ENOX1: variants seen among roughly 807,000 people sequenced by gnomAD.
ENOX1 encodes candidate growth-related and time keeping constitutive hydroquinone (NADH) oxidase.
A neutral mutation model predicts 82.5 loss-of-function variants in ENOX1; 42 were observed. That is an observed-to-expected ratio of 0.51 (90% CI 0.40 to 0.66). The LOEUF (loss-of-function observed/expected upper bound fraction) is 0.66. ENOX1 is among the 30% of genes least tolerant of loss of function. The probability of loss-of-function intolerance (pLI) is 0.00; values close to 1 mark genes in which losing one functional copy is unlikely to be tolerated. For synonymous variants in ENOX1, 271 were observed against 282.2 expected (o/e 0.96, Z 0.40); for missense variants, 608 against 811.6 (o/e 0.75, Z 3.05).
intron 1 of ENOX1, among the ~76,000 whole-genome samples, chr13:43,778,458 A>G (rs1952055224): frequency 6.6e-6 from 1 of 152,172 alleles, no homozygotes; most frequent in South Asian, 2.1e-4. Context: ...TAGCTAAAAT[A>G]TAGGCTATCA....
At chr13:43,698,444 A>G (rs988936416) in intron 1 of ENOX1, among the ~76,000 whole-genome samples, 9 of 152,370 alleles carry the variant, frequency 5.9e-5, no homozygotes, top group Admixed American at 3.3e-4. Flanking sequence ...GAAACTTTAC[A>G]GAATGCCAAA....
chr13:43,486,982 G>A (rs1391764981), intron 2 of ENOX1, among the ~76,000 whole-genome samples: 1 of 152,164 alleles, frequency 6.6e-6, no homozygotes, highest in East Asian at 1.9e-4. Context: ...AGACCAGCCT[G>A]GCCAACATGA....
intron 1 of ENOX1, among the ~76,000 whole-genome samples, chr13:43,758,159 C>T (rs1288080067): frequency 5.9e-5 from 9 of 151,950 alleles, no homozygotes; most frequent in Admixed American, 5.9e-4. Flanking sequence ...TTGCTTGAAG[C>T]TAGGAGGCAG....
intron 2 of ENOX1, among the ~76,000 whole-genome samples, chr13:43,527,959 T>G (rs945281645): frequency 6.6e-6 from 1 of 152,102 alleles, no homozygotes; most frequent in Non-Finnish European, 1.5e-5. Flanking sequence ...GTAGATAGAC[T>G]TCCATTATAA....
intron 8 of ENOX1, among the ~76,000 whole-genome samples, chr13:43,352,165 G>C (rs1310607053): frequency 6.6e-6 from 1 of 152,176 alleles, no homozygotes; most frequent in Non-Finnish European, 1.5e-5. Context: ...TAAGAGTCCA[G>C]TTCTCTGGAA....
At chr13:43,588,425 A>G (rs17064752) in intron 2 of ENOX1, among the ~76,000 whole-genome samples, 11,980 of 152,238 alleles carry the variant, frequency 0.079, 512 homozygotes, top group Admixed American at 0.1. Flanking sequence ...ACAACAATCT[A>G]CTTTTTCCCT....
intron 1 of ENOX1, among the ~76,000 whole-genome samples, chr13:43,784,528 A>C (rs1050311077): frequency 3.3e-5 from 5 of 152,384 alleles, no homozygotes; most frequent in Non-Finnish European, 5.9e-5. Flanking sequence ...TTGATTTACT[A>C]TCATATGCTA....
intron 2 of ENOX1, among the ~76,000 whole-genome samples, chr13:43,510,102 C>T (rs1028452184): frequency 6.6e-6 from 1 of 151,926 alleles, no homozygotes; most frequent in Non-Finnish European, 1.5e-5. Flanking sequence ...AATTTTGTAA[C>T]AGAACAGCAA....
At chr13:43,274,830 G>A (rs946757571) in intron 12 of ENOX1, among the ~76,000 whole-genome samples, 3 of 152,184 alleles carry the variant, frequency 2.0e-5, no homozygotes, top group Non-Finnish European at 4.4e-5. Flanking sequence ...CTGATTTAAT[G>A]GGATCATTTG....
intron 3 of ENOX1, among the ~76,000 whole-genome samples, chr13:43,445,616 C>T (rs2056612207): frequency 6.6e-6 from 1 of 152,064 alleles, no homozygotes; most frequent in Non-Finnish European, 1.5e-5. Context: ...TTTGTTGGAT[C>T]TCAATGACCC....
At chr13:43,335,793 A>G (rs1170064106) in intron 9 of ENOX1, among the ~76,000 whole-genome samples, 1 of 151,902 alleles carries the variant, frequency 6.6e-6, no homozygotes, top group East Asian at 1.9e-4. Context: ...AGAAAAGAAA[A>G]AAAAGACTCA....
chr13:43,472,982 A>C (rs1243513295), intron 3 of ENOX1, among the ~76,000 whole-genome samples: 1 of 152,238 alleles, frequency 6.6e-6, no homozygotes, highest in Non-Finnish European at 1.5e-5. Context: ...ACAGGAATAA[A>C]AGGGAGTAGA....
At chr13:43,742,912 AATAG>A (rs35332288) in intron 1 of ENOX1, among the ~76,000 whole-genome samples, 120,949 of 151,664 alleles carry the variant, frequency 0.8, 50,126 homozygotes, top group South Asian at 0.92. Flanking sequence ...CCGTGTGTAA[AATAG>A]ACTGGGAACA....
At position 43,269,414 on chromosome 13, in the gene ENOX1, G is replaced by T; in HGVS notation, c.1554+56C>A. 2.3e-6 allele frequency: 3 copies of T among 1,290,154 alleles called. No homozygotes were observed. In the East Asian group the frequency reaches 6.9e-5, roughly 30 times the overall value. The allele number at this position is 1,290,154 out of a possible 1,614,324, so 79.9% of individuals were successfully genotyped here. A position where few individuals can be genotyped will look rare whatever the true frequency, so the allele number is the denominator to read the frequency against. ...TTTGCACGGGTGACGCACAAGGGAG[G>T]TATGCAATGGGGTGTTTGGACTGAT... On this transcript the variant is annotated intron_variant, in intron 13 of 16. Coordinates refer to ENST00000690772, the MANE Select transcript of ENOX1 (RefSeq NM_001347969.2).
At chr13:43,762,514 T>C (rs1365545733) in intron 1 of ENOX1, among the ~76,000 whole-genome samples, 3 of 152,196 alleles carry the variant, frequency 2.0e-5, no homozygotes, top group Non-Finnish European at 4.4e-5. Context: ...TTTTAAGTGG[T>C]AGTACTAGTA....
At chr13:43,554,906 C>CTT (rs2079365116) in intron 2 of ENOX1, among the ~76,000 whole-genome samples, 7 of 152,092 alleles carry the variant, frequency 4.6e-5, no homozygotes, top group Non-Finnish European at 8.8e-5. Flanking sequence ...ACCCCTAGCC[C>CTT]AATATTCTCT....
chr13:43,334,889 G>A (rs1470623727), intron 9 of ENOX1, among the ~76,000 whole-genome samples: 1 of 152,174 alleles, frequency 6.6e-6, no homozygotes, highest in African/African-American at 2.4e-5. Context: ...GTGGGGCCAA[G>A]GGAGTGTTTT....
chr13:43,219,354 C>T (rs1335903753), intron 16 of ENOX1, among the ~76,000 whole-genome samples: 2 of 152,144 alleles, frequency 1.3e-5, no homozygotes, highest in Non-Finnish European at 2.9e-5. Flanking sequence ...AGATAGATGC[C>T]ATGACTATGA....
At chr13:43,277,353 A>G (rs969949397) in intron 12 of ENOX1, among the ~76,000 whole-genome samples, 1 of 152,172 alleles carries the variant, frequency 6.6e-6, no homozygotes, top group African/African-American at 2.4e-5. Context: ...CCCTGCTGTT[A>G]AGATCCTAAT....
Sources: gnomAD v4.1 joint callset for allele counts (sites outside exome capture counted in the v4.1 genomes callset) on GRCh38, gnomAD v4.1.1 for gene constraint, MANE v1.5 for transcripts, NCBI Gene and HGNC (gene_info 2026-07-23, HGNC 2026-07-21) for gene names.